GMDS: variants seen among roughly 807,000 people sequenced by gnomAD.
The protein encoded by GMDS is GDP-mannose 4,6-dehydratase.
A neutral mutation model predicts 49.9 loss-of-function variants in GMDS; 20 were observed. The ratio of observed to expected loss-of-function variants is 0.40; its 90% CI spans 0.28 to 0.58. GMDS has a LOEUF of 0.58. Ranked by LOEUF, GMDS falls within the 20% of genes least tolerant of loss-of-function variation. The pLI is 0.42. For synonymous variants in GMDS, 177 were observed against 178.6 expected, an observed-to-expected ratio of 0.99 and a Z score of 0.07; for missense variants, 362 against 481.4, an observed-to-expected ratio of 0.75 and a Z score of 2.32.
At chr6:2,114,005 A>G (rs1280876246) in intron 4 of GMDS, among the ~76,000 whole-genome samples, 1 of 152,206 alleles carries the variant, frequency 6.6e-6, no homozygotes, top group Non-Finnish European at 1.5e-5. Flanking sequence ...CTTACAGTAC[A>G]ACCACACCAG....
chr6:1,625,980 C>T (rs1454171117), intron 9 of GMDS: 2 of 152,208 alleles, frequency 1.3e-5, no homozygotes, highest in African/African-American at 4.8e-5. Context: ...AACAGCCAGT[C>T]AAGCTGCCAC....
In GMDS at chr6:2,011,951, T is replaced by C. The variant is rs569821610; in HGVS notation, c.346-50985A>G. On this transcript the variant is annotated intron_variant, in intron 4 of 10. Coordinates refer to ENST00000380815, the MANE Select transcript of GMDS (RefSeq NM_001500.4). ...GTAAAATAAAACAAGAACAAAATCA[T>C]GTCTTTTCTAGCAATGTGTATGAAA... Among the ~76,000 whole-genome samples, 6 of 152,304 alleles carry C rather than the reference T, an allele frequency of 3.9e-5. No individual in the cohort carries two copies. The South Asian group carries it at 1.2e-3, about 32-fold the overall frequency.
chr6:1,697,817 C>T (rs759987808), intron 9 of GMDS, among the ~76,000 whole-genome samples: 1 of 152,178 alleles, frequency 6.6e-6, no homozygotes, highest in East Asian at 1.9e-4. Flanking sequence ...TGCAAGCTCA[C>T]GAGAGGAAGC....
chr6:2,105,164 A>G (rs867626756), intron 4 of GMDS, among the ~76,000 whole-genome samples: 1 of 143,544 alleles, frequency 7.0e-6, no homozygotes, highest in African/African-American at 2.6e-5. Context: ...CCTGGGTGAC[A>G]GAGCGAGACT....
chr6:1,651,547 C>T lies in GMDS; in HGVS notation c.988-27007G>A, dbSNP rs1182849340. Among the ~76,000 whole-genome samples, 8 of 152,166 alleles carry T rather than the reference C, an allele frequency of 5.3e-5. No homozygotes were observed. The East Asian group carries it at 7.7e-4, about 15-fold the overall frequency. Reference sequence around the variant, plus strand: ...AACTAGAAGAACAGTTGTTGGGGGCCGCACCCAGGGCGTGGGACATACTTG... The same window carrying T: ...AACTAGAAGAACAGTTGTTGGGGGCTGCACCCAGGGCGTGGGACATACTTG... On this transcript the variant is annotated intron_variant, in intron 9 of 10. Coordinates refer to ENST00000380815, the MANE Select transcript of GMDS (RefSeq NM_001500.4).
intron 7 of GMDS, among the ~76,000 whole-genome samples, chr6:1,922,603 C>T (rs1222863797): frequency 6.6e-6 from 1 of 152,156 alleles, no homozygotes; most frequent in Non-Finnish European, 1.5e-5. Flanking sequence ...TTCAAAACTA[C>T]CGATAGCCCG....
intron 1 of GMDS, among the ~76,000 whole-genome samples, chr6:2,161,849 G>C (rs1455563455): frequency 3.3e-5 from 5 of 152,164 alleles, no homozygotes; most frequent in African/African-American, 1.2e-4. Context: ...CTGCTAAAAA[G>C]TCAAAATAAA....
At chr6:1,865,572 G>A (rs1425805144) in intron 7 of GMDS, among the ~76,000 whole-genome samples, 1 of 152,142 alleles carries the variant, frequency 6.6e-6, no homozygotes, top group Non-Finnish European at 1.5e-5. Context: ...ATTATAAAAA[G>A]TTGCTGCTCA....
intron 1 of GMDS, chr6:2,175,859 C>T: frequency 1.3e-6 from 1 of 778,558 alleles, no homozygotes; most frequent in Admixed American, 2.0e-5. Flanking sequence ...GTTCATGAAC[C>T]CACATAAACA....
At chr6:1,775,957 G>A (rs116631881) in intron 7 of GMDS, among the ~76,000 whole-genome samples, 3,134 of 152,266 alleles carry the variant, frequency 0.021, 105 homozygotes, top group African/African-American at 0.071. Context: ...GAGATGGGAG[G>A]TATGTGGGGT....
intron 9 of GMDS, among the ~76,000 whole-genome samples, chr6:1,694,336 A>G (rs1038283180): frequency 1.3e-5 from 2 of 152,230 alleles, no homozygotes; most frequent in Non-Finnish European, 2.9e-5. Context: ...GCATATTAAA[A>G]TCAATAAAAT....
At chr6:1,854,546 A>T (rs889903412) in intron 7 of GMDS, among the ~76,000 whole-genome samples, 7 of 152,194 alleles carry the variant, frequency 4.6e-5, no homozygotes, top group Admixed American at 4.6e-4. Flanking sequence ...GATTGTCACA[A>T]CTGGGGCTGT....
Position 1,937,956 on chromosome 6 carries a change from G to A in GMDS, c.644-7726C>T, listed in dbSNP as rs75817383. 6.9e-3 allele frequency among the ~76,000 whole-genome samples: 1,045 copies of A among 152,072 alleles called. 7 individuals are homozygous for A. Among genetic ancestry groups the A allele is most frequent in the African/African-American group, 0.023 (968 of 41,474 alleles). On this transcript the variant is annotated intron_variant, in intron 6 of 10. Coordinates refer to ENST00000380815, the MANE Select transcript of GMDS (RefSeq NM_001500.4). ...GGGAGGTGGGAGGATCACTTCAGACGAGGAGTTTGAGATCAGCCTGGGCAA... is the reference window on the plus strand; with the variant it reads ...GGGAGGTGGGAGGATCACTTCAGACAAGGAGTTTGAGATCAGCCTGGGCAA...
chr6:2,037,298 T>G (rs1379206242), intron 4 of GMDS, among the ~76,000 whole-genome samples: 1 of 152,036 alleles, frequency 6.6e-6, no homozygotes, highest in African/African-American at 2.4e-5. Context: ...CTAGATTAAG[T>G]TCTCACACTG....
chr6:2,204,815 G>A (rs999644279), intron 1 of GMDS, among the ~76,000 whole-genome samples: 29 of 152,148 alleles, frequency 1.9e-4, no homozygotes, highest in African/African-American at 5.3e-4. Flanking sequence ...CTGGTAAAAG[G>A]TGGCAAACTA....
chr6:1,853,517 C>CAAAAAAAAAAAAAAA (rs34773610), intron 7 of GMDS, among the ~76,000 whole-genome samples: 1 of 70,390 alleles, frequency 1.4e-5, no homozygotes, highest in African/African-American at 6.3e-5. Flanking sequence ...GACTCCGTCT[C>CAAAAAAAAAAAAAAA]AAAAAAAAAA....
chr6:1,735,679 G>A (rs73425374), intron 8 of GMDS, among the ~76,000 whole-genome samples: 1,851 of 152,266 alleles, frequency 0.012, 34 homozygotes, highest in East Asian at 0.055. Flanking sequence ...CACCTGGAAT[G>A]TCTTCCTCCT....
chr6:1,897,851 T>C (rs1022167876), intron 7 of GMDS, among the ~76,000 whole-genome samples: 8 of 152,248 alleles, frequency 5.3e-5, no homozygotes, highest in African/African-American at 1.9e-4. Flanking sequence ...CTAGACAGCC[T>C]TTCATGCAAA....
At chr6:2,104,998 T>A (rs373676267) in intron 4 of GMDS, among the ~76,000 whole-genome samples, 40 of 151,838 alleles carry the variant, frequency 2.6e-4, no homozygotes, top group African/African-American at 9.4e-4. Flanking sequence ...CTGGCTAACA[T>A]GGTGAAACCC....
Sources: gnomAD v4.1 joint callset for allele counts (sites outside exome capture counted in the v4.1 genomes callset) on GRCh38, gnomAD v4.1.1 for gene constraint, MANE v1.5 for transcripts, NCBI Gene and HGNC (gene_info 2026-07-23, HGNC 2026-07-21) for gene names.